The following KLHDC4 variants were observed in gnomAD, a reference collection of about 807,000 sequenced individuals.
KLHDC4 encodes the protein kelch domain containing 4.
Under a neutral mutation model 62.4 loss-of-function variants are expected in KLHDC4, and 90 were observed. The ratio of observed to expected loss-of-function variants is 1.44; its 90% CI spans 1.22 to 1.72. KLHDC4 has a LOEUF of 1.72. Ranked by LOEUF, KLHDC4 falls within the 40% of genes most tolerant of loss-of-function variation. The pLI, the probability that KLHDC4 is intolerant of heterozygous loss-of-function variation, is 0.00. For synonymous variants in KLHDC4, 386 were observed against 284.4 expected (o/e 1.36, Z -3.59); for missense variants, 1,025 against 699.7 (o/e 1.47, Z -5.25).
intron 2 of KLHDC4, among the ~76,000 whole-genome samples, chr16:87,757,068 G>A (rs981933961): frequency 2.6e-5 from 4 of 152,068 alleles, no homozygotes; most frequent in African/African-American, 9.6e-5. Context: ...GCCCACCTCG[G>A]CCTCCCACAG....
At chr16:87,760,785 C>T (rs920014092) in intron 2 of KLHDC4, among the ~76,000 whole-genome samples, 1 of 152,156 alleles carries the variant, frequency 6.6e-6, no homozygotes, top group East Asian at 1.9e-4. Flanking sequence ...GTAATCCCAG[C>T]ACTTTGGGAG....
chr16:87,711,547 A>T, intron 8 of KLHDC4, 104 bp from the exon 9 acceptor site: 2 of 966,200 alleles, frequency 2.1e-6, no homozygotes, highest in Non-Finnish European at 3.0e-6. Flanking sequence ...AATGGGGTAA[A>T]TGAAAACCGT....
intron 5 of KLHDC4, among the ~76,000 whole-genome samples, chr16:87,742,713 T>G (rs12934975): frequency 0.051 from 7,758 of 152,048 alleles, 271 homozygotes; most frequent in East Asian, 0.15. Context: ...CTCCCTAGGG[T>G]CTACGTGGAG....
intron 7 of KLHDC4, among the ~76,000 whole-genome samples, chr16:87,716,975 T>C (rs1794354478): frequency 6.6e-6 from 1 of 152,046 alleles, no homozygotes; most frequent in Non-Finnish European, 1.5e-5. Flanking sequence ...AGATTTGCTG[T>C]AATCCCAGCA....
intron 2 of KLHDC4, among the ~76,000 whole-genome samples, chr16:87,758,388 G>C (rs1307931339): frequency 6.6e-6 from 1 of 152,214 alleles, no homozygotes; most frequent in African/African-American, 2.4e-5. Flanking sequence ...AAGAAATAAA[G>C]TTCTCACACA....
At chr16:87,730,881 G>T in intron 5 of KLHDC4, 1 of 404,446 alleles carries the variant, frequency 2.5e-6, no homozygotes, top group Non-Finnish European at 4.4e-6. Flanking sequence ...CCAAGACCTT[G>T]GACTGCATAA....
chr16:87,750,406 G>C (rs1464094067), intron 4 of KLHDC4: 1 of 152,340 alleles, frequency 6.6e-6, no homozygotes, highest in Non-Finnish European at 1.5e-5. Flanking sequence ...AACGCACCTA[G>C]TGGCATAATT....
chr16:87,734,988 G>A (rs1470030956), intron 5 of KLHDC4, among the ~76,000 whole-genome samples: 1 of 75,262 alleles, frequency 1.3e-5, no homozygotes, highest in South Asian at 4.4e-4. Context: ...CCCTCCTGAC[G>A]AATTGCCTGA....
chr16:87,724,287 A>G (rs1240035235), intron 7 of KLHDC4, among the ~76,000 whole-genome samples: 2 of 152,250 alleles, frequency 1.3e-5, no homozygotes, highest in African/African-American at 2.4e-5. Flanking sequence ...AGAGAAAAAT[A>G]AAAGAAAATC....
At chr16:87,700,008 G>A (rs774411749) in exon 1 of KLHDC4, 2 of 152,304 alleles carry the variant, frequency 1.3e-5, no homozygotes, top group Non-Finnish European at 2.9e-5. Context: ...TTTATCGACA[G>A]CTGGACCCGT....
intron 5 of KLHDC4, among the ~76,000 whole-genome samples, chr16:87,742,811 G>A (rs1222456536): frequency 2.0e-5 from 3 of 152,208 alleles, no homozygotes; most frequent in Non-Finnish European, 4.4e-5. Flanking sequence ...ACCCCCCACT[G>A]TTCTCTAAGT....
intron 4 of KLHDC4, among the ~76,000 whole-genome samples, chr16:87,751,425 G>C (rs2043915373): frequency 6.6e-6 from 1 of 151,776 alleles, no homozygotes; most frequent in African/African-American, 2.4e-5. Flanking sequence ...AGTGAGCTGA[G>C]GTCGCACCAC....
At chr16:87,730,437 A>C (rs1567727277) in intron 6 of KLHDC4, 115 bp downstream of exon 6, 2 of 869,854 alleles carry the variant, frequency 2.3e-6, no homozygotes, top group Non-Finnish European at 3.5e-6. Flanking sequence ...AAGCTCATGA[A>C]GCTGGATTTG....
exon 1 of KLHDC4, chr16:87,700,071 T>A (rs1237241582): frequency 6.6e-6 from 1 of 152,518 alleles, no homozygotes; most frequent in Non-Finnish European, 1.5e-5. Flanking sequence ...CTGGCGCTCC[T>A]GGGCCGTGTG....
At chr16:87,742,757 C>A (rs1283770756) in intron 5 of KLHDC4, among the ~76,000 whole-genome samples, 2 of 152,184 alleles carry the variant, frequency 1.3e-5, no homozygotes, top group Non-Finnish European at 2.9e-5. Context: ...TCAAGATCCT[C>A]TTCTCTGCCA....
chr16:87,745,726 GT>G (rs889182188), intron 5 of KLHDC4, among the ~76,000 whole-genome samples: 9 of 152,274 alleles, frequency 5.9e-5, no homozygotes, highest in African/African-American at 1.9e-4. Context: ...CATGGGGACA[GT>G]CAAGGCGCCT....
chr16:87,730,838 C>T, intron 5 of KLHDC4, 194 bp from the exon 6 acceptor site: 1 of 514,334 alleles, frequency 1.9e-6, no homozygotes, highest in Non-Finnish European at 3.4e-6. Flanking sequence ...GCTAGCTAAG[C>T]TCAAACCTCA....
In KLHDC4 at chr16:87,714,544, T is replaced by C. The variant is rs779752091; in HGVS notation, c.789A>G (p.Thr263=). ...QRVKKDVDKG[T]RHSDMFLLKP... The stretch of plus-strand genomic sequence containing the variant: ...TCAGCAGGAACATGTCTGAGTGCCG[T>C]GTGCCCTTGTCCACGTCTTTCTTAA... The change falls in exon 8 of 12, where the codon ACA becomes ACG. Residue 263 remains threonine, a synonymous_variant. Coordinates refer to ENST00000270583, the MANE Select transcript of KLHDC4 (RefSeq NM_017566.4). 107 of 1,614,054 alleles carry C rather than the reference T, an allele frequency of 6.6e-5. 1 individual carries two copies. The South Asian group carries it at 1.1e-3, about 16-fold the overall frequency.
At chr16:87,724,058 G>A (rs1177241007) in intron 7 of KLHDC4, among the ~76,000 whole-genome samples, 1 of 152,016 alleles carries the variant, frequency 6.6e-6, no homozygotes, top group African/African-American at 2.4e-5. Flanking sequence ...GGCTGATCTC[G>A]AACTCCTGAC....
Sources: allele counts gnomAD v4.1 joint callset (sites outside exome capture counted in the v4.1 genomes callset), GRCh38; gene constraint gnomAD v4.1.1; transcripts MANE v1.5; gene names NCBI Gene and HGNC (gene_info 2026-07-23, HGNC 2026-07-21).